NLRC5: variants seen among roughly 807,000 people sequenced by gnomAD.
NLRC5 encodes NLR family CARD domain containing 5.
In NLRC5, 114 loss-of-function variants were observed where a neutral mutation model predicts 206.9. That is an observed-to-expected ratio of 0.55 (90% confidence interval 0.47 to 0.64). NLRC5 has a LOEUF of 0.64. NLRC5 is among the 30% of genes least tolerant of loss of function. The probability of loss-of-function intolerance (pLI) is 0.00; values close to 1 mark genes in which losing one functional copy is unlikely to be tolerated. For missense variants in NLRC5, 2,008 were observed against 2,305.5 expected, an observed-to-expected ratio of 0.87 and a Z score of 2.64; for synonymous variants, 952 against 962.8, an observed-to-expected ratio of 0.99 and a Z score of 0.21.
intron 24 of NLRC5, chr16:57,052,993 T>G (rs2065134927): frequency 6.6e-6 from 1 of 152,270 alleles, no homozygotes; most frequent in Admixed American, 6.5e-5. Context: ...GTACTCAACG[T>G]GTAGTGCTTG....
intron 32 of NLRC5, 190 bp downstream of exon 32, chr16:57,061,891 T>C: frequency 2.0e-6 from 3 of 1,534,516 alleles, no homozygotes; most frequent in Non-Finnish European, 2.6e-6. Context: ...GAAACTGTCC[T>C]TCCCCACACT....
chr16:57,035,967 T>A (rs184675751), intron 13 of NLRC5, 133 bp from the exon 14 acceptor site: 1 of 788,720 alleles, frequency 1.3e-6, no homozygotes, highest in Non-Finnish European at 2.1e-6. Flanking sequence ...ATGGAGTCTG[T>A]CGATTTCAGT....
At chr16:57,000,738 A>T (rs1481062194) in intron 1 of NLRC5, among the ~76,000 whole-genome samples, 1 of 152,060 alleles carries the variant, frequency 6.6e-6, no homozygotes, top group Non-Finnish European at 1.5e-5. Flanking sequence ...ATCATCACTG[A>T]CTCACAGAAA....
chr16:57,047,843 G>A, intron 23 of NLRC5: 1 of 592,442 alleles, frequency 1.7e-6, no homozygotes, highest in Non-Finnish European at 3.0e-6. Flanking sequence ...GAGATGCTGT[G>A]CTGGACTGGG....
Position 57,020,793 on chromosome 16 carries a change from G to A in NLRC5, c.81G>A (p.Trp27Ter). 1 of 1,613,052 alleles carries A rather than the reference G, an allele frequency of 6.2e-7. No homozygotes were observed. Among genetic ancestry groups the A allele is most frequent in the Non-Finnish European group, 8.5e-7 (1 of 1,179,840 alleles). Reference protein sequence around the residue: ...LVRLLTKDPEWLNAKMKFFLP... With the variant: ...LVRLLTKDPE ...GGCTGCTCACCAAAGACCCAGAATG[G>A]CTGAACGCCAAGATGAAGTTCTTCC... The change falls in exon 3 of 49, where the codon TGG (tryptophan) becomes TGA (stop). Residue 27 changes from tryptophan (W) to a stop codon, truncating the protein, a stop_gained. Coordinates refer to ENST00000688547, the MANE Select transcript of NLRC5 (RefSeq NM_001384950.1). LOFTEE classifies it high-confidence loss of function.
At position 57,046,483 on chromosome 16, in the gene NLRC5, G is replaced by T. The variant is rs543020557; in HGVS notation, c.3249-69G>T. ...TTTCTAAACGATCCCCCTCCTAGGG[G>T]TATATGGGCTGGGCTGGGAGTCCGA... On this transcript the variant is annotated intron_variant, in intron 21 of 48. Transcript: ENST00000688547. 7 of 1,272,224 alleles carry T rather than the reference G, an allele frequency of 5.5e-6. No homozygotes were observed. The South Asian group carries it at 7.3e-5, about 13-fold the overall frequency. 78.8% of individuals were successfully genotyped at this position (1,272,224 alleles called of 1,614,324 possible).
intron 20 of NLRC5, 126 bp downstream of exon 20, chr16:57,043,730 C>T (rs2063574328): frequency 1.3e-6 from 1 of 751,466 alleles, no homozygotes; most frequent in Non-Finnish European, 2.4e-6. Flanking sequence ...TGGGCAGTAC[C>T]AGATCTGCAG....
chr16:56,989,850 C>T (rs187500984), intron 1 of NLRC5, among the ~76,000 whole-genome samples: 3 of 152,284 alleles, frequency 2.0e-5, no homozygotes, highest in African/African-American at 4.8e-5. Context: ...GAAGAGTTGC[C>T]GGCCCGCAGA....
intron 10 of NLRC5, 110 bp from the exon 11 acceptor site, chr16:57,031,294 C>T: frequency 8.4e-7 from 1 of 1,183,860 alleles, no homozygotes. Context: ...ATTGCAAAAT[C>T]AGCTTTATCT....
rs2058943326 is a variant in NLRC5 at position 57,006,596 on chromosome 16, T to C, written c.-127-10478T>C. Among the ~76,000 whole-genome samples, 4 of 151,994 alleles carry C rather than the reference T, an allele frequency of 2.6e-5. No individual in the cohort carries two copies. The South Asian group carries it at 8.3e-4, about 32-fold the overall frequency. On this transcript the variant is annotated intron_variant, in intron 1 of 48. Coordinates refer to ENST00000688547, the MANE Select transcript of NLRC5 (RefSeq NM_001384950.1). The stretch of plus-strand genomic sequence containing the variant: ...GCTGCAAAGAATTCCATTGTATAGA[T>C]GTGCCATAATTTAATCATAATATGT...
intron 38 of NLRC5, among the ~76,000 whole-genome samples, chr16:57,072,877 T>C (rs1412412373): frequency 6.6e-6 from 1 of 152,200 alleles, no homozygotes; most frequent in African/African-American, 2.4e-5. Flanking sequence ...TTTTTGCCCC[T>C]TAACATTGAA....
At chr16:57,021,053 C>T (rs777526365) in intron 3 of NLRC5, 46 bp downstream of exon 3, 17 of 1,580,818 alleles carry the variant, frequency 1.1e-5, no homozygotes, top group Admixed American at 1.0e-4. Context: ...CCAGTACCTG[C>T]GTCATGGGGA....
intron 15 of NLRC5, among the ~76,000 whole-genome samples, chr16:57,039,048 C>T (rs1489534441): frequency 2.0e-5 from 3 of 151,232 alleles, no homozygotes; most frequent in Non-Finnish European, 2.9e-5. Context: ...CCTTAAAAAA[C>T]TAATGTTTAA....
At position 57,024,254 on chromosome 16, in the gene NLRC5, A is replaced by G. The variant is rs563852732; in HGVS notation, c.424+401A>G. Among the ~76,000 whole-genome samples the G allele has an allele frequency of 5.9e-5, 9 of 152,170 alleles. No homozygotes were observed. The South Asian group carries it at 1.9e-3, about 32-fold the overall frequency. On this transcript the variant is annotated intron_variant, in intron 5 of 48. Transcript: ENST00000688547. ...GAGGCCTGGGAGAAACCTTCAAGAC[A>G]GAGGCCCTGGGGGCCCATGGGGAGA...
rs78343274 is a variant in NLRC5 at position 57,049,306 on chromosome 16, A to G, written c.3422+1678A>G. Among the ~76,000 whole-genome samples, 1,021 of 152,334 alleles carry G rather than the reference A, an allele frequency of 6.7e-3. 48 individuals are homozygous for G. The highest frequency in any genetic ancestry group is 0.061 in the Admixed American group (930 of 15,294). On this transcript the variant is annotated intron_variant, in intron 23 of 48. Coordinates refer to ENST00000688547, the MANE Select transcript of NLRC5 (RefSeq NM_001384950.1). ...GTGTAGCACTGCAGTCAGTGCTACA[A>G]AAAGCACTCTTACGTGATTTGACTG... is the stretch of plus-strand genomic sequence containing the variant.
intron 1 of NLRC5, chr16:56,992,382 G>A (rs289749): frequency 0.28 from 43,024 of 152,108 alleles, 6,240 homozygotes; most frequent in South Asian, 0.32. Flanking sequence ...GCTAATGCAA[G>A]TCCAAACACT....
chr16:57,032,137 C>T (rs1179270924), intron 11 of NLRC5, among the ~76,000 whole-genome samples: 3 of 151,998 alleles, frequency 2.0e-5, no homozygotes, highest in Admixed American at 6.6e-5. Context: ...TTGCTGGGTG[C>T]GGTGGCTCAT....
rs371811400 is a variant in NLRC5, at chr16:57,028,185, CT to C, written c.2159+32del. On this transcript the variant is annotated intron_variant, in intron 7 of 48. Coordinates refer to ENST00000688547, the MANE Select transcript of NLRC5 (RefSeq NM_001384950.1). The stretch of plus-strand genomic sequence containing the variant: ...GCCAGGCCTTGGAGCTGAGAAGGGT[CT>C]TCAGCTGGGGATGCCTGGTACTCTC... 4.1e-4 allele frequency: 644 copies of C among 1,588,714 alleles called. 1 individual carries two copies. In the African/African-American group the frequency reaches 7.8e-3, roughly 19 times the overall value.
chr16:57,042,194 A>G, intron 19 of NLRC5, 129 bp downstream of exon 19: 3 of 519,742 alleles, frequency 5.8e-6, no homozygotes, highest in Non-Finnish European at 9.8e-6. Context: ...CCCCTAATAC[A>G]ATGTAAGTTC....
Sources: allele counts gnomAD v4.1 joint callset (sites outside exome capture counted in the v4.1 genomes callset), GRCh38; gene constraint gnomAD v4.1.1; transcripts MANE v1.5; gene names NCBI Gene and HGNC (gene_info 2026-07-23, HGNC 2026-07-21).